The following ADCY8 variants were observed in gnomAD, a reference collection of about 807,000 sequenced individuals.
ADCY8 encodes adenylate cyclase 8.
ADCY8 carries 51 observed loss-of-function variants against 119.7 expected under a neutral mutation model. That is an observed-to-expected ratio of 0.43 (90% confidence interval 0.34 to 0.54). The LOEUF is 0.54. Among genes scored for constraint, ADCY8 ranks in the 20% least tolerant of loss-of-function variants. ADCY8 has a pLI of 0.03. For missense variants in ADCY8, 1,383 were observed against 1,598.8 expected (o/e 0.87, Z 2.30); for synonymous variants, 665 against 651.0 (o/e 1.02, Z -0.33).
rs1008479218 is a variant in ADCY8 at position 130,847,566 on chromosome 8, C to T, written c.2413-53G>A. The T allele has an allele frequency of 3.4e-6, 5 of 1,462,610 alleles. No homozygotes were observed. The African/African-American group carries it at 7.2e-5, about 21-fold the overall frequency. 90.6% of individuals were successfully genotyped at this position (1,462,610 alleles called of 1,614,324 possible). A position where few individuals can be genotyped will look rare whatever the true frequency, so the allele number is the denominator to read the frequency against. On this transcript the variant is annotated intron_variant, in intron 10 of 17. Coordinates refer to ENST00000286355, the MANE Select transcript of ADCY8 (RefSeq NM_001115.3). ...ACAACAAAAACAAAAACAGGAACAA[C>T]AAAGTCAGTGTGAGTGCTGGAAATG...
chr8:130,959,352 C>T (rs909955245), intron 2 of ADCY8, among the ~76,000 whole-genome samples: 6 of 152,040 alleles, frequency 3.9e-5, no homozygotes, highest in African/African-American at 1.4e-4. Flanking sequence ...AGTATAGATA[C>T]CCAATTTACA....
intron 14 of ADCY8, among the ~76,000 whole-genome samples, chr8:130,813,664 T>C (rs1816241459): frequency 6.6e-6 from 1 of 152,230 alleles, no homozygotes; most frequent in Admixed American, 6.5e-5. Flanking sequence ...GCTTCAACTT[T>C]TTGACTATTG....
At chr8:130,954,503 T>C (rs1005342551) in intron 2 of ADCY8, among the ~76,000 whole-genome samples, 1 of 152,158 alleles carries the variant, frequency 6.6e-6, no homozygotes, top group Non-Finnish European at 1.5e-5. Context: ...ACCTACTGAA[T>C]TGGACTCTGA....
At chr8:130,818,709 G>A (rs1816418907) in intron 13 of ADCY8, among the ~76,000 whole-genome samples, 2 of 152,328 alleles carry the variant, frequency 1.3e-5, no homozygotes, top group South Asian at 2.1e-4. Flanking sequence ...GGAGTGGGCA[G>A]GCTTGATCGG....
At chr8:130,978,216 T>G (rs922708705) in intron 2 of ADCY8, among the ~76,000 whole-genome samples, 1 of 152,168 alleles carries the variant, frequency 6.6e-6, no homozygotes, top group Non-Finnish European at 1.5e-5. Context: ...CTAAAATGCT[T>G]TGAGCTGTTG....
At chr8:130,964,725 A>C (rs571038014) in intron 2 of ADCY8, among the ~76,000 whole-genome samples, 1 of 152,356 alleles carries the variant, frequency 6.6e-6, no homozygotes, top group African/African-American at 2.4e-5. Flanking sequence ...GAAACAATAG[A>C]TCAACACTAA....
At chr8:130,785,649 A>G (rs1182224025) in intron 15 of ADCY8, among the ~76,000 whole-genome samples, 174 bp from the exon 16 acceptor site, 1 of 152,210 alleles carries the variant, frequency 6.6e-6, no homozygotes. Flanking sequence ...ATATTTAATG[A>G]GCACTTGCTA....
chr8:130,958,006 C>T (rs1378291514), intron 2 of ADCY8, among the ~76,000 whole-genome samples: 1 of 152,154 alleles, frequency 6.6e-6, no homozygotes, highest in African/African-American at 2.4e-5. Flanking sequence ...CACAGAGTCC[C>T]TACTGGGGCA....
intron 2 of ADCY8, among the ~76,000 whole-genome samples, chr8:130,983,441 A>G (rs1369191673): frequency 6.6e-6 from 1 of 152,188 alleles, no homozygotes; most frequent in Non-Finnish European, 1.5e-5. Flanking sequence ...CATAAAGGCC[A>G]CACTCCAGGG....
At chr8:131,023,104 CA>C (rs1183548294) in intron 1 of ADCY8, among the ~76,000 whole-genome samples, 1 of 152,106 alleles carries the variant, frequency 6.6e-6, no homozygotes, top group Non-Finnish European at 1.5e-5. Flanking sequence ...CTGGAGGTTG[CA>C]ATCCTGCAAT....
intron 7 of ADCY8, among the ~76,000 whole-genome samples, chr8:130,893,839 T>A (rs754265310): frequency 6.0e-4 from 90 of 150,094 alleles, no homozygotes; most frequent in Non-Finnish European, 1.1e-3. Flanking sequence ...TGGGTGTGCA[T>A]GTTTGTGTGT....
chr8:131,003,206 T>TCACACACACA (rs1554624274), intron 1 of ADCY8, among the ~76,000 whole-genome samples: 204 of 137,570 alleles, frequency 1.5e-3, no homozygotes, highest in Middle Eastern at 7.5e-3. Flanking sequence ...TGAAACACCA[T>TCACACACACA]CACACACACA....
intron 11 of ADCY8, among the ~76,000 whole-genome samples, chr8:130,837,984 T>C (rs1167651649): frequency 6.6e-6 from 1 of 152,238 alleles, no homozygotes; most frequent in Non-Finnish European, 1.5e-5. Flanking sequence ...ATTTCTAAAA[T>C]TCTTTTTGGT....
At chr8:130,900,279 T>C (rs1417947221) in intron 7 of ADCY8, among the ~76,000 whole-genome samples, 1 of 152,142 alleles carries the variant, frequency 6.6e-6, no homozygotes, top group Non-Finnish European at 1.5e-5. Flanking sequence ...CAAGGGAGTA[T>C]GGTCAGGCAG....
chr8:130,957,812 T>C (rs1399359472), intron 2 of ADCY8, among the ~76,000 whole-genome samples: 1 of 152,196 alleles, frequency 6.6e-6, no homozygotes, highest in Admixed American at 6.5e-5. Context: ...AGCTTCCACA[T>C]GGTGTTGAGC....
In ADCY8 at chr8:130,903,787, G is replaced by T; in HGVS notation, c.1896C>A (p.Ile632=). 1 of 1,612,474 alleles carries T rather than the reference G, an allele frequency of 6.2e-7. No individual in the cohort carries two copies. The highest frequency in any genetic ancestry group is 8.5e-7 in the Non-Finnish European group (1 of 1,179,944). ...GAGGACTTACATTCTGTTTCCCCAC[G>T]ATATTATCAAAGGGCAGTTCAGGGC... ...SWSPELPFDN[I]VGKQNTLAAL... Residue 632 remains isoleucine, a synonymous_variant, in exon 7 of 18, where the codon ATC becomes ATA. Coordinates refer to ENST00000286355, the MANE Select transcript of ADCY8 (RefSeq NM_001115.3).
intron 10 of ADCY8, among the ~76,000 whole-genome samples, chr8:130,848,652 G>T (rs1376290341): frequency 6.6e-6 from 1 of 152,124 alleles, no homozygotes; most frequent in Non-Finnish European, 1.5e-5. Context: ...GGCCCAAAGG[G>T]CACAGTGATG....
chr8:130,877,651 T>G (rs1183404633), intron 8 of ADCY8, among the ~76,000 whole-genome samples: 1 of 152,238 alleles, frequency 6.6e-6, no homozygotes, highest in African/African-American at 2.4e-5. Context: ...CCTTTGGGAA[T>G]GATAAAACAT....
Position 130,847,521 on chromosome 8 carries a change from T to C in ADCY8, c.2413-8A>G. The C allele has an allele frequency of 6.5e-7, 1 of 1,532,776 alleles. No individual in the cohort carries two copies. The highest frequency in any genetic ancestry group is 8.7e-7 in the Non-Finnish European group (1 of 1,147,800). The allele number at this position is 1,532,776 out of a possible 1,614,324, so 94.9% of individuals were successfully genotyped here. A position where few individuals can be genotyped will look rare whatever the true frequency, so the allele number is the denominator to read the frequency against. On this transcript the variant is annotated splice_region_variant and splice_polypyrimidine_tract_variant and intron_variant, in intron 10 of 17. Transcript: ENST00000286355. ...GTCAAAATCACACCACAGCTGCGGA[T>C]TAAAAAAAAAAAAAAAAGAACAACA...
Sources: gnomAD v4.1 joint callset for allele counts (sites outside exome capture counted in the v4.1 genomes callset) on GRCh38, gnomAD v4.1.1 for gene constraint, MANE v1.5 for transcripts, NCBI Gene and HGNC (gene_info 2026-07-23, HGNC 2026-07-21) for gene names.